VSTM5: variants seen among roughly 807,000 people sequenced by gnomAD.
VSTM5 encodes the protein V-set and transmembrane domain containing 5.
A neutral mutation model predicts 20.3 loss-of-function variants in VSTM5; 21 were observed. That is an observed-to-expected ratio of 1.03 (90% confidence interval 0.73 to 1.49). The LOEUF (loss-of-function observed/expected upper bound fraction) is 1.49. Ranked by LOEUF, VSTM5 falls within the 40% of genes most tolerant of loss-of-function variation. The pLI, the probability that VSTM5 is intolerant of heterozygous loss-of-function variation, is 0.00. For synonymous variants in VSTM5, 100 were observed against 102.5 expected, an observed-to-expected ratio of 0.98 and a Z score of 0.14; for missense variants, 219 against 250.0, an observed-to-expected ratio of 0.88 and a Z score of 0.84.
chr11:93,834,495 G>A (rs1944307084), intron 1 of VSTM5, among the ~76,000 whole-genome samples: 1 of 152,072 alleles, frequency 6.6e-6, no homozygotes, highest in African/African-American at 2.4e-5. Flanking sequence ...TTAAGCCCCT[G>A]GCCATGTGTG....
At chr11:93,835,352 G>C (rs1944315366) in intron 1 of VSTM5, among the ~76,000 whole-genome samples, 1 of 152,108 alleles carries the variant, frequency 6.6e-6, no homozygotes, top group Non-Finnish European at 1.5e-5. Context: ...GAGTCCAAGA[G>C]TTTCAGGCTT....
intron 1 of VSTM5, among the ~76,000 whole-genome samples, chr11:93,823,539 C>A (rs1944207223): frequency 6.6e-6 from 1 of 152,160 alleles, no homozygotes; most frequent in Admixed American, 6.6e-5. Flanking sequence ...CTCCTTCTTC[C>A]CCACTGGCCC....
Position 93,821,051 on chromosome 11 carries a change from C to G in VSTM5, c.364G>C (p.Val122Leu). 1 of 1,551,668 alleles carries G rather than the reference C, an allele frequency of 6.4e-7. No individual in the cohort carries two copies. The highest frequency in any genetic ancestry group is 8.7e-7 in the Non-Finnish European group (1 of 1,146,994). Residue 122 changes from valine (V) to leucine (L), a missense_variant, in exon 2 of 4, where the codon GTG becomes CTG. By Grantham distance (32) the Val-to-Leu change is conservative. Coordinates refer to ENST00000409977, the MANE Select transcript of VSTM5 (RefSeq NM_001144871.2). ...VRDSGYYVIT[V>L]TERLGSSQFG... ...TGGCTGCTCCCCAGGCGCTCCGTCACGGTGATGACATAGTAGCCGGAATCC... is the reference window on the plus strand; with the variant it reads ...TGGCTGCTCCCCAGGCGCTCCGTCAGGGTGATGACATAGTAGCCGGAATCC...
chr11:93,821,387 T>C, intron 1 of VSTM5, 64 bp from the exon 2 acceptor site: 1 of 1,370,754 alleles, frequency 7.3e-7, no homozygotes, highest in Non-Finnish European at 9.9e-7. Flanking sequence ...TGAACTTATA[T>C]AATTTGTTGA....
chr11:93,846,756 AT>A (rs1211973472), intron 1 of VSTM5, among the ~76,000 whole-genome samples: 1,177 of 107,300 alleles, frequency 0.011, 19 homozygotes, highest in African/African-American at 0.041. Context: ...TTTTTAAAAA[AT>A]TTTTTTTAAT....
chr11:93,834,137 A>C (rs1944304251), intron 1 of VSTM5, among the ~76,000 whole-genome samples: 1 of 152,154 alleles, frequency 6.6e-6, no homozygotes, highest in Non-Finnish European at 1.5e-5. Flanking sequence ...CTGCCTGTAC[A>C]TGAGTAGCCA....
intron 1 of VSTM5, among the ~76,000 whole-genome samples, chr11:93,832,804 G>T (rs1944293311): frequency 1.3e-5 from 2 of 152,306 alleles, no homozygotes; most frequent in East Asian, 1.9e-4. Context: ...CCAAGTCTTT[G>T]CTAAGTAAAA....
chr11:93,820,349 CTCAA>C lies in VSTM5; in HGVS notation c.*216_*219del. On this transcript the variant is annotated 3_prime_UTR_variant, in exon 4 of 4. Coordinates refer to ENST00000409977, the MANE Select transcript of VSTM5 (RefSeq NM_001144871.2). ...CCAAGCGAAGCTCCTGGTTCAAAGC[CTCAA>C]TCACTCTTCTCCTTGAACTTAGCGC... The C allele has an allele frequency of 1.8e-6, 1 of 563,504 alleles. No homozygotes were observed. The highest frequency in any genetic ancestry group is 3.2e-6 in the Non-Finnish European group (1 of 316,560). The allele number at this position is 563,504 out of a possible 1,614,324, so 34.9% of individuals were successfully genotyped here. A position where few individuals can be genotyped will look rare whatever the true frequency, so the allele number is the denominator to read the frequency against.
At chr11:93,834,595 GGC>G (rs1565301953) in intron 1 of VSTM5, among the ~76,000 whole-genome samples, 5 of 6,356 alleles carry the variant, frequency 7.9e-4, no homozygotes, top group Non-Finnish European at 4.7e-3. Flanking sequence ...TGGCCAACAT[GGC>G]ACATGTAAAG....
At chr11:93,828,952 C>T (rs1271477170) in intron 1 of VSTM5, among the ~76,000 whole-genome samples, 4 of 152,170 alleles carry the variant, frequency 2.6e-5, no homozygotes, top group South Asian at 2.1e-4. Flanking sequence ...TACCCTGAGA[C>T]CTCCTAGCTG....
intron 1 of VSTM5, among the ~76,000 whole-genome samples, chr11:93,829,113 C>G (rs545441093): frequency 6.6e-6 from 1 of 152,224 alleles, no homozygotes; most frequent in Non-Finnish European, 1.5e-5. Context: ...TTACCCTTCT[C>G]TGATCAGGTC....
At chr11:93,828,070 A>G (rs957150071) in intron 1 of VSTM5, among the ~76,000 whole-genome samples, 14 of 152,320 alleles carry the variant, frequency 9.2e-5, no homozygotes, top group Admixed American at 3.9e-4. Context: ...TGTACTTTAA[A>G]AAGTCTTTTT....
rs111513593 is a variant in VSTM5 at position 93,820,735 on chromosome 11, G to A, written c.559+8C>T. On this transcript the variant is annotated splice_region_variant and intron_variant, in intron 3 of 3. Transcript: ENST00000409977. ...ACTCATGGATTATCACAAGGCCCAG[G>A]GGGTTACCTTTGAGTTTGTGTCTTC... 553 of 1,551,702 alleles carry A rather than the reference G, an allele frequency of 3.6e-4. 5 individuals are homozygous for A. In the African/African-American group the frequency reaches 6.5e-3, roughly 18 times the overall value.
At chr11:93,847,800 C>T (rs1382053063) in intron 1 of VSTM5, among the ~76,000 whole-genome samples, 2 of 152,212 alleles carry the variant, frequency 1.3e-5, no homozygotes, top group Non-Finnish European at 2.9e-5. Context: ...AACAGATGAC[C>T]ATAGACTGAT....
At position 93,820,687 on chromosome 11, in the gene VSTM5, A is replaced by T; in HGVS notation, c.559+56T>A. The T allele has an allele frequency of 7.7e-6, 12 of 1,551,646 alleles. No individual in the cohort carries two copies. In the South Asian group the frequency reaches 1.2e-4, roughly 15 times the overall value. ...TTTCTTCGTGAGAACAAGATAACAC[A>T]TGCCACCTCTGGCCTCAAAACCACT... On this transcript the variant is annotated intron_variant, in intron 3 of 3. Transcript: ENST00000409977.
intron 1 of VSTM5, among the ~76,000 whole-genome samples, chr11:93,834,541 T>C (rs1049092737): frequency 6.6e-5 from 10 of 151,736 alleles, no homozygotes; most frequent in South Asian, 2.1e-4. Flanking sequence ...CTTCAGGAGG[T>C]TGGGGCAGAT....
At chr11:93,827,046 C>T (rs974075808) in intron 1 of VSTM5, among the ~76,000 whole-genome samples, 63 of 152,142 alleles carry the variant, frequency 4.1e-4, no homozygotes, top group African/African-American at 1.4e-3. Context: ...AGGAACAAAG[C>T]GGTTTCTCCT....
At chr11:93,845,699 G>A (rs1022535613) in intron 1 of VSTM5, among the ~76,000 whole-genome samples, 9 of 152,172 alleles carry the variant, frequency 5.9e-5, no homozygotes, top group Admixed American at 2.0e-4. Context: ...CAGCATCAGT[G>A]GGGTCTCTGA....
Position 93,850,136 on chromosome 11 carries a change from G to A in VSTM5, c.91+276C>T, listed in dbSNP as rs185449722. ...GCTCTGATAACCGTAGGCCGGGCTC[G>A]CCGGGTGGGGCGGGCGCCCCGAAGT... On this transcript the variant is annotated intron_variant, in intron 1 of 3. Transcript: ENST00000409977. 6.7e-3 allele frequency among the ~76,000 whole-genome samples: 1,026 copies of A among 152,292 alleles called. 11 individuals carry two copies. The highest frequency in any genetic ancestry group is 0.024 in the African/African-American group (984 of 41,572).
Sources: allele counts gnomAD v4.1 joint callset (sites outside exome capture counted in the v4.1 genomes callset), GRCh38; gene constraint gnomAD v4.1.1; transcripts MANE v1.5; gene names NCBI Gene and HGNC (gene_info 2026-07-23, HGNC 2026-07-21).